ZNF536: variants seen among roughly 807,000 people sequenced by gnomAD.
ZNF536 encodes zinc finger protein 536.
Under a neutral mutation model 84.5 loss-of-function variants are expected in ZNF536, and 13 were observed. The ratio of observed to expected loss-of-function variants is 0.15; its 90% CI spans 0.10 to 0.24. The LOEUF is 0.24. Among genes scored for constraint, ZNF536 ranks in the 10% least tolerant of loss-of-function variants. The pLI, the probability that ZNF536 is intolerant of heterozygous loss-of-function variation, is 1.00. For synonymous variants in ZNF536, 811 were observed against 742.5 expected (o/e 1.09, Z -1.50); for missense variants, 1,536 against 1,747.5 (o/e 0.88, Z 2.16).
chr19:30,451,707 T>C (rs1419811634), intron 2 of ZNF536, among the ~76,000 whole-genome samples: 1 of 152,144 alleles, frequency 6.6e-6, no homozygotes, highest in Non-Finnish European at 1.5e-5. Context: ...CACTCAAATG[T>C]GTTTCTCTGG....
exon 2 of ZNF536, chr19:30,712,577 C>A (rs1196942017): frequency 6.6e-6 from 1 of 152,074 alleles, no homozygotes; most frequent in Non-Finnish European, 1.5e-5. Context: ...TATCCTGAGA[C>A]CAGAAAGAAT....
intron 2 of ZNF536, among the ~76,000 whole-genome samples, chr19:30,520,728 G>C (rs1716851853): frequency 6.6e-6 from 1 of 152,102 alleles, no homozygotes; most frequent in African/African-American, 2.4e-5. Flanking sequence ...CCACCTGCTG[G>C]TTTGCTGTTT....
At chr19:30,460,219 C>A (rs1193160458) in intron 2 of ZNF536, among the ~76,000 whole-genome samples, 1 of 152,172 alleles carries the variant, frequency 6.6e-6, no homozygotes, top group African/African-American at 2.4e-5. Context: ...TGGTTCATGG[C>A]AAGGAAGTTA....
rs1301752688 is a variant in ZNF536, at chr19:30,557,581, A to G, written c.*417A>G. On this transcript the variant is annotated 3_prime_UTR_variant, in exon 5 of 5. Transcript: ENST00000355537. The stretch of plus-strand genomic sequence containing the variant: ...TGGGTCCTGCAGTGGTCTCGTGGGT[A>G]TTACTGCTTGTGTCTGATTGTCCTG... 1 of 163,368 alleles carries G rather than the reference A, an allele frequency of 6.1e-6. No homozygotes were observed. Among genetic ancestry groups the G allele is most frequent in the East Asian group, 1.7e-4 (1 of 5,906 alleles). The allele number at this position is 163,368 out of a possible 1,614,324, so 10.1% of individuals were successfully genotyped here.
At chr19:30,606,194 TAATAA>T (rs1189636743) in intron 1 of ZNF536, among the ~76,000 whole-genome samples, 5,044 of 56,410 alleles carry the variant, frequency 0.089, 241 homozygotes, top group Middle Eastern at 0.28. Flanking sequence ...TAAAATAAAA[TAATAA>T]AATAAAATAA....
At chr19:30,437,026 A>G (rs2051781561) in intron 1 of ZNF536, among the ~76,000 whole-genome samples, 2 of 152,246 alleles carry the variant, frequency 1.3e-5, no homozygotes, top group Non-Finnish European at 2.9e-5. Context: ...TGATTTTTTA[A>G]AATCCAGTGC....
intron 1 of ZNF536, among the ~76,000 whole-genome samples, chr19:30,383,210 A>C (rs969973945): frequency 9.9e-5 from 15 of 152,172 alleles, no homozygotes; most frequent in African/African-American, 3.6e-4. Context: ...GAATTGCTTG[A>C]ACCCAGGAGG....
At chr19:30,586,480 G>C (rs73924791) in intron 1 of ZNF536, among the ~76,000 whole-genome samples, 1 of 152,180 alleles carries the variant, frequency 6.6e-6, no homozygotes, top group Admixed American at 6.5e-5. Context: ...TGACATAAGA[G>C]CACCTTTTGA....
At chr19:30,439,854 CCAAG>C (rs2051935044) in intron 1 of ZNF536, among the ~76,000 whole-genome samples, 1 of 152,032 alleles carries the variant, frequency 6.6e-6, no homozygotes, top group Non-Finnish European at 1.5e-5. Context: ...CAGGGGTGGT[CCAAG>C]CCTGGGGTGA....
At chr19:30,605,094 C>T (rs985272277) in intron 1 of ZNF536, among the ~76,000 whole-genome samples, 19 of 152,276 alleles carry the variant, frequency 1.2e-4, no homozygotes, top group East Asian at 1.9e-4. Flanking sequence ...ACTCAGTCTC[C>T]GCTGGAGGAA....
At chr19:30,339,274 T>C (rs569278298) in intron 2 of ZNF536, among the ~76,000 whole-genome samples, 86 of 152,188 alleles carry the variant, frequency 5.7e-4, no homozygotes, top group African/African-American at 2.0e-3. Context: ...CTCTTTGGGG[T>C]GACTGCTCTC....
At chr19:30,645,383 T>A (rs1014771557) in intron 1 of ZNF536, among the ~76,000 whole-genome samples, 5 of 152,226 alleles carry the variant, frequency 3.3e-5, no homozygotes, top group Admixed American at 6.5e-5. Context: ...TTAGATCCCA[T>A]TTGTCAATTT....
chr19:30,384,140 C>CG (rs1304978008), intron 1 of ZNF536, among the ~76,000 whole-genome samples: 5 of 110,320 alleles, frequency 4.5e-5, no homozygotes, highest in African/African-American at 1.1e-4. Context: ...TTCTTTCTTT[C>CG]TTTCTTTCTT....
chr19:30,304,729 G>T (rs1028641807), intron 2 of ZNF536, among the ~76,000 whole-genome samples: 4 of 152,198 alleles, frequency 2.6e-5, no homozygotes, highest in African/African-American at 9.6e-5. Context: ...GAGGGCTGTG[G>T]CTATGTGCTA....
intron 1 of ZNF536, among the ~76,000 whole-genome samples, chr19:30,694,411 C>T (rs191530819): frequency 6.6e-6 from 1 of 152,218 alleles, no homozygotes; most frequent in Admixed American, 6.5e-5. Context: ...AGTCTCCCTG[C>T]CCCAACCTCA....
At chr19:30,614,612 C>T (rs892155960) in intron 1 of ZNF536, among the ~76,000 whole-genome samples, 2 of 151,894 alleles carry the variant, frequency 1.3e-5, no homozygotes, top group Non-Finnish European at 2.9e-5. Context: ...GAACATCTTT[C>T]CATATGTTTA....
At chr19:30,386,785 G>A (rs1209051813) in intron 1 of ZNF536, among the ~76,000 whole-genome samples, 1 of 152,232 alleles carries the variant, frequency 6.6e-6, no homozygotes, top group African/African-American at 2.4e-5. Flanking sequence ...ATAGGTATTA[G>A]GTATTTATTT....
At position 30,506,269 on chromosome 19, in the gene ZNF536, T is replaced by C. The variant is rs568486408; in HGVS notation, c.2171-28578T>C. 7.2e-4 allele frequency among the ~76,000 whole-genome samples: 110 copies of C among 152,242 alleles called. 1 individual carries two copies. Among genetic ancestry groups the C allele is most frequent in the Non-Finnish European group, 1.2e-3 (80 of 67,998 alleles). ...TTCCCCTCCTGATGAGATTGGGTGG[T>C]TGATGACTTTTCTCTATGTCCCTAA... is the stretch of plus-strand genomic sequence containing the variant. On this transcript the variant is annotated intron_variant, in intron 2 of 4. Transcript: ENST00000355537.
At chr19:30,234,689 A>G (rs1368302415) in intron 1 of ZNF536, among the ~76,000 whole-genome samples, 1 of 151,874 alleles carries the variant, frequency 6.6e-6, no homozygotes, top group Admixed American at 6.6e-5. Context: ...GGCATGAGCC[A>G]ATGTGCCTGG....
Sources: gnomAD v4.1 joint callset for allele counts (sites outside exome capture counted in the v4.1 genomes callset) on GRCh38, gnomAD v4.1.1 for gene constraint, MANE v1.5 for transcripts, NCBI Gene and HGNC (gene_info 2026-07-23, HGNC 2026-07-21) for gene names.